QKI: variants seen among roughly 807,000 people sequenced by gnomAD.
QKI encodes QKI, KH domain containing RNA binding.
In QKI, 10 loss-of-function variants were observed where a neutral mutation model predicts 39.0. The ratio of observed to expected loss-of-function variants is 0.26; its 90% CI spans 0.16 to 0.43. The LOEUF is 0.43. QKI is among the 20% of genes least tolerant of loss of function. The probability of loss-of-function intolerance (pLI) is 1.00; values close to 1 mark genes in which losing one functional copy is unlikely to be tolerated. For missense variants in QKI, 218 were observed against 428.0 expected (o/e 0.51, Z 4.33); for synonymous variants, 204 against 155.4 (o/e 1.31, Z -2.33).
At chr6:163,542,040 G>T (rs1221877076) in intron 4 of QKI, among the ~76,000 whole-genome samples, 1 of 151,906 alleles carries the variant, frequency 6.6e-6, no homozygotes, top group Non-Finnish European at 1.5e-5. Flanking sequence ...CATACCAGGA[G>T]AGAGTACTTC....
intron 3 of QKI, among the ~76,000 whole-genome samples, chr6:163,509,663 GGTATATGTAAAGAGCCTTTAA>G (rs1402771657): frequency 5.9e-5 from 9 of 151,696 alleles, no homozygotes; most frequent in African/African-American, 1.9e-4. Context: ...AATGCCAAAA[GGTATATGTAAAGAGCCTTTAA>G]GTATAACTTA....
At chr6:163,561,219 T>C (rs189534027) in intron 4 of QKI, among the ~76,000 whole-genome samples, 1 of 152,320 alleles carries the variant, frequency 6.6e-6, no homozygotes, top group East Asian at 1.9e-4. Context: ...AATCAAATCT[T>C]GTATGTTTAA....
At chr6:163,510,260 A>AATAATAATAAGT (rs1554270115) in intron 3 of QKI, among the ~76,000 whole-genome samples, 1 of 147,088 alleles carries the variant, frequency 6.8e-6, no homozygotes, top group African/African-American at 2.5e-5. Context: ...TAATAATAAT[A>AATAATAATAAGT]AGTAAACTAA....
chr6:163,473,265 G>A (rs1485942349), intron 2 of QKI, among the ~76,000 whole-genome samples: 1 of 152,120 alleles, frequency 6.6e-6, no homozygotes, highest in African/African-American at 2.4e-5. Flanking sequence ...GTTTACATGG[G>A]GGAAAGGGGC....
chr6:163,540,163 G>C (rs981136486), intron 4 of QKI, among the ~76,000 whole-genome samples: 2 of 151,366 alleles, frequency 1.3e-5, no homozygotes, highest in African/African-American at 4.9e-5. Context: ...AGAGTTTTGT[G>C]TATTTTAATC....
chr6:163,416,081 T>G (rs571351691), intron 1 of QKI, among the ~76,000 whole-genome samples: 5 of 131,972 alleles, frequency 3.8e-5, no homozygotes, highest in African/African-American at 8.7e-5. Flanking sequence ...GAGTGCGAAA[T>G]AACGCGATGA....
At chr6:163,439,196 T>C (rs1034147647) in intron 1 of QKI, among the ~76,000 whole-genome samples, 2 of 152,202 alleles carry the variant, frequency 1.3e-5, no homozygotes, top group African/African-American at 4.8e-5. Context: ...CACAGAAAGA[T>C]AGGAACTACT....
intron 3 of QKI, 78 bp from the exon 4 acceptor site, chr6:163,534,904 C>T: frequency 2.7e-6 from 3 of 1,114,994 alleles, no homozygotes; most frequent in Non-Finnish European, 3.7e-6. Flanking sequence ...AAATAATTGA[C>T]AACAGGTTAG....
chr6:163,566,284 C>T (rs767935713), intron 6 of QKI: 8 of 1,220,078 alleles, frequency 6.6e-6, no homozygotes, highest in Non-Finnish European at 4.1e-6. Context: ...AATCTGTAGG[C>T]TTTAAGAATT....
intron 2 of QKI, among the ~76,000 whole-genome samples, chr6:163,470,971 T>C (rs1792135207): frequency 6.6e-6 from 1 of 152,060 alleles, no homozygotes; most frequent in African/African-American, 2.4e-5. Context: ...TTGAGGGAAG[T>C]GTGTTTCAGA....
intron 3 of QKI, among the ~76,000 whole-genome samples, chr6:163,512,963 T>C (rs949195079): frequency 7.2e-5 from 11 of 152,306 alleles, no homozygotes; most frequent in Middle Eastern, 6.8e-3. Flanking sequence ...TCCTTCCTTA[T>C]CCACAGTTTT....
At chr6:163,492,780 A>G (rs1276413712) in intron 3 of QKI, among the ~76,000 whole-genome samples, 1 of 152,180 alleles carries the variant, frequency 6.6e-6, no homozygotes, top group East Asian at 1.9e-4. Context: ...ACAAGTGAGT[A>G]AACGGATGCC....
chr6:163,423,783 A>T (rs1582957295), intron 1 of QKI, among the ~76,000 whole-genome samples: 1 of 152,256 alleles, frequency 6.6e-6, no homozygotes, highest in African/African-American at 2.4e-5. Flanking sequence ...CTAGAGCCTC[A>T]GTTTTTTGAA....
At chr6:163,480,955 C>G (rs546342729) in intron 3 of QKI, among the ~76,000 whole-genome samples, 3 of 152,266 alleles carry the variant, frequency 2.0e-5, no homozygotes, top group Non-Finnish European at 4.4e-5. Context: ...AATGGCCCCC[C>G]ACTCAACCTT....
chr6:163,415,166 G>C lies in QKI; in HGVS notation c.-28G>C, dbSNP rs374822775. The C allele has an allele frequency of 1.2e-5, 18 of 1,442,750 alleles. No homozygotes were observed. Among genetic ancestry groups the C allele is most frequent in the Non-Finnish European group, 1.7e-5 (18 of 1,083,020 alleles). 89.4% of individuals were successfully genotyped at this position (1,442,750 alleles called of 1,614,324 possible). ...CTCCGGCGGCGGCGGCGGCGGCGGC[G>C]GGCGGAGTGAGCTGCGGAGCCTGGA... is the stretch of plus-strand genomic sequence containing the variant. On this transcript the variant is annotated 5_prime_UTR_variant, in exon 1 of 8. Transcript: ENST00000361752.
chr6:163,506,156 T>C (rs1779082614), intron 3 of QKI, among the ~76,000 whole-genome samples: 1 of 147,770 alleles, frequency 6.8e-6, no homozygotes. Flanking sequence ...CATGCAGAAC[T>C]GTGAGTCAAT....
At chr6:163,531,533 T>C (rs1039017580) in intron 3 of QKI, among the ~76,000 whole-genome samples, 1 of 152,216 alleles carries the variant, frequency 6.6e-6, no homozygotes, top group African/African-American at 2.4e-5. Context: ...CTCAGTATTT[T>C]TGGGGTGGAT....
chr6:163,415,637 G>A (rs1000659882), intron 1 of QKI, among the ~76,000 whole-genome samples: 1 of 151,776 alleles, frequency 6.6e-6, no homozygotes, highest in Non-Finnish European at 1.5e-5. Flanking sequence ...TAGCTTCGGC[G>A]GTCACATTTC....
intron 3 of QKI, among the ~76,000 whole-genome samples, chr6:163,501,102 AATTAT>A (rs1778729738): frequency 6.6e-6 from 1 of 152,066 alleles, no homozygotes; most frequent in Non-Finnish European, 1.5e-5. Flanking sequence ...ATGACTTTTA[AATTAT>A]ATATTAAAAG....
Sources: gnomAD v4.1 joint callset for allele counts (sites outside exome capture counted in the v4.1 genomes callset) on GRCh38, gnomAD v4.1.1 for gene constraint, MANE v1.5 for transcripts, NCBI Gene and HGNC (gene_info 2026-07-23, HGNC 2026-07-21) for gene names.